The following MANEA variants were observed in gnomAD, a reference collection of about 807,000 sequenced individuals.
The protein encoded by MANEA is mannosidase endo-alpha.
In MANEA, 25 loss-of-function variants were observed where a neutral mutation model predicts 36.8. That is an observed-to-expected ratio of 0.68 (90% confidence interval 0.50 to 0.95). The LOEUF (loss-of-function observed/expected upper bound fraction) is 0.95, where lower values mean the gene tolerates loss of function less well. Among genes scored for constraint, MANEA ranks in the 40% least tolerant of loss-of-function variants. The pLI is 0.00. For missense variants in MANEA, 565 were observed against 558.8 expected (o/e 1.01, Z -0.11); for synonymous variants, 198 against 188.5 (o/e 1.05, Z -0.41).
intron 1 of MANEA, among the ~76,000 whole-genome samples, chr6:95,585,697 G>A (rs1360699858): frequency 6.6e-6 from 1 of 152,050 alleles, no homozygotes; most frequent in Non-Finnish European, 1.5e-5. Flanking sequence ...AATTTTGTCT[G>A]ATTCTATTTC....
At position 95,606,969 on chromosome 6, in the gene MANEA, G is replaced by A. The variant is rs1769728375; in HGVS notation, c.*564G>A. On this transcript the variant is annotated 3_prime_UTR_variant, in exon 5 of 5. Coordinates refer to ENST00000358812, the MANE Select transcript of MANEA (RefSeq NM_024641.4). ...TGTACCTTCCTCTCAATTTTGCTGT[G>A]AACCTGAAATGGCTTTAAATTAATA... 6.6e-6 allele frequency: 1 copy of A among 151,964 alleles called. No homozygotes were observed. Among genetic ancestry groups the A allele is most frequent in the Admixed American group, 6.6e-5 (1 of 15,246 alleles). 9.4% of individuals were successfully genotyped at this position (151,964 alleles called of 1,614,324 possible).
At chr6:95,599,477 C>T (rs1769549338) in intron 3 of MANEA, among the ~76,000 whole-genome samples, 1 of 151,570 alleles carries the variant, frequency 6.6e-6, no homozygotes, top group South Asian at 2.1e-4. Context: ...AGATTGCAAC[C>T]ACTCTTAAAA....
At chr6:95,600,543 A>T (rs1198848488) in intron 3 of MANEA, among the ~76,000 whole-genome samples, 2 of 152,206 alleles carry the variant, frequency 1.3e-5, no homozygotes, top group Admixed American at 1.3e-4. Context: ...TTTTTAAAGA[A>T]TGGAAAACTT....
At chr6:95,601,177 T>C (rs1769583667) in intron 3 of MANEA, among the ~76,000 whole-genome samples, 1 of 152,202 alleles carries the variant, frequency 6.6e-6, no homozygotes, top group Non-Finnish European at 1.5e-5. Flanking sequence ...CTTATAACTG[T>C]CATTTAGTAG....
intron 2 of MANEA, among the ~76,000 whole-genome samples, chr6:95,595,686 T>A (rs542515868): frequency 3.3e-5 from 5 of 152,318 alleles, no homozygotes; most frequent in African/African-American, 4.8e-5. Context: ...ATCTTTCTAA[T>A]GACTGTCCAT....
intron 1 of MANEA, among the ~76,000 whole-genome samples, chr6:95,577,920 C>T (rs1368958854): frequency 2.0e-5 from 3 of 152,256 alleles, no homozygotes; most frequent in South Asian, 2.1e-4. Flanking sequence ...TCACTGGCCT[C>T]GTCGCCGCCT....
In MANEA at chr6:95,606,572, A is replaced by T; in HGVS notation, c.*167A>T. The T allele has an allele frequency of 2.8e-6, 1 of 357,118 alleles. No individual in the cohort carries two copies. Among genetic ancestry groups the T allele is most frequent in the Non-Finnish European group, 4.9e-6 (1 of 204,224 alleles). The allele number at this position is 357,118 out of a possible 1,614,324, so 22.1% of individuals were successfully genotyped here. On this transcript the variant is annotated 3_prime_UTR_variant, in exon 5 of 5. Transcript: ENST00000358812. ...TAATATTATACTTGTTACCCTTCACAATACCACATGAGAAAATATCTGAGA... is the reference window on the plus strand; with the variant it reads ...TAATATTATACTTGTTACCCTTCACTATACCACATGAGAAAATATCTGAGA...
At chr6:95,593,779 G>T (rs781304586) in intron 2 of MANEA, among the ~76,000 whole-genome samples, 3 of 152,148 alleles carry the variant, frequency 2.0e-5, no homozygotes, top group Admixed American at 2.0e-4. Flanking sequence ...TGGGTGTGGT[G>T]GCTCACGCCT....
At chr6:95,603,671 T>G (rs1769642669) in intron 3 of MANEA, among the ~76,000 whole-genome samples, 1 of 152,058 alleles carries the variant, frequency 6.6e-6, no homozygotes, top group Admixed American at 6.6e-5. Flanking sequence ...GCAATAGAAG[T>G]CTCTAGTTCC....
In MANEA at chr6:95,586,839, A is replaced by G; in HGVS notation, c.400A>G (p.Arg134Gly). Residue 134 changes from arginine (R) to glycine (G), a missense_variant, in exon 2 of 5, where the codon AGA (arginine) becomes GGA (glycine). Coordinates refer to ENST00000358812, the MANE Select transcript of MANEA (RefSeq NM_024641.4). ...NHPVLEHWDP[R>G]IAKNYPQGRH... is the part of the protein sequence containing the mutation. ...TCCAGTGTTAGAGCATTGGGACCCT[A>G]GAATAGCCAAGAATTATCCACAAGG... The G allele has an allele frequency of 6.2e-7, 1 of 1,613,954 alleles. No homozygotes were observed. The highest frequency in any genetic ancestry group is 8.5e-7 in the Non-Finnish European group (1 of 1,179,884).
chr6:95,594,346 A>G (rs1387737933), intron 2 of MANEA, among the ~76,000 whole-genome samples: 1 of 152,198 alleles, frequency 6.6e-6, no homozygotes, highest in Non-Finnish European at 1.5e-5. Context: ...AGATATTTGA[A>G]TACATGTTCA....
chr6:95,579,108 C>T (rs62417811), intron 1 of MANEA, among the ~76,000 whole-genome samples: 4 of 152,166 alleles, frequency 2.6e-5, no homozygotes, highest in African/African-American at 7.2e-5. Flanking sequence ...CGGTGCCTCA[C>T]GCCTGTAATC....
At chr6:95,584,466 G>T (rs937037038) in intron 1 of MANEA, among the ~76,000 whole-genome samples, 2 of 152,108 alleles carry the variant, frequency 1.3e-5, no homozygotes, top group African/African-American at 4.8e-5. Flanking sequence ...ATACGCCCTG[G>T]TCTCCTCCAG....
At chr6:95,584,218 G>A (rs986767082) in intron 1 of MANEA, among the ~76,000 whole-genome samples, 4 of 152,108 alleles carry the variant, frequency 2.6e-5, no homozygotes, top group African/African-American at 7.2e-5. Flanking sequence ...GAGTAACAGC[G>A]ATTTTTAAGA....
chr6:95,600,028 A>G (rs1028917087), intron 3 of MANEA, among the ~76,000 whole-genome samples: 4 of 152,234 alleles, frequency 2.6e-5, no homozygotes, highest in African/African-American at 9.6e-5. Context: ...TGGAAGCTCA[A>G]GAAACTGGCT....
At chr6:95,582,355 T>C (rs1013031816) in intron 1 of MANEA, among the ~76,000 whole-genome samples, 1 of 151,970 alleles carries the variant, frequency 6.6e-6, no homozygotes, top group Non-Finnish European at 1.5e-5. Flanking sequence ...GGCTAATTTT[T>C]TGTATTTTTA....
chr6:95,589,966 C>T (rs9374594), intron 2 of MANEA: 65,550 of 151,820 alleles, frequency 0.43, 14,485 homozygotes, highest in Middle Eastern at 0.59. Flanking sequence ...GAGGGATGCA[C>T]GAGAGACTCG....
intron 1 of MANEA, among the ~76,000 whole-genome samples, chr6:95,584,239 G>A (rs1562195412): frequency 6.6e-6 from 1 of 152,128 alleles, no homozygotes; most frequent in Admixed American, 6.6e-5. Context: ...CAGCGATAAA[G>A]TCTGACTGCC....
At chr6:95,603,070 T>G (rs1395000167) in intron 3 of MANEA, among the ~76,000 whole-genome samples, 1 of 150,990 alleles carries the variant, frequency 6.6e-6, no homozygotes, top group Non-Finnish European at 1.5e-5. Flanking sequence ...GTAATTTTAT[T>G]ATAATTAAGA....
Sources: allele counts gnomAD v4.1 joint callset (sites outside exome capture counted in the v4.1 genomes callset), GRCh38; gene constraint gnomAD v4.1.1; transcripts MANE v1.5; gene names NCBI Gene and HGNC (gene_info 2026-07-23, HGNC 2026-07-21).